Variants in DCTN1 observed in about 807,000 individuals in gnomAD.
DCTN1 encodes the protein 150 kDa dynein-associated polypeptide.
A neutral mutation model predicts 161.2 loss-of-function variants in DCTN1; 61 were observed. The ratio of observed to expected loss-of-function variants is 0.38; its 90% CI spans 0.31 to 0.47. DCTN1 has a LOEUF of 0.47. Ranked by LOEUF, DCTN1 falls within the 20% of genes least tolerant of loss-of-function variation. The probability of loss-of-function intolerance (pLI) is 0.99; values close to 1 mark genes in which losing one functional copy is unlikely to be tolerated. For synonymous variants in DCTN1, 653 were observed against 632.4 expected, an observed-to-expected ratio of 1.03 and a Z score of -0.49; for missense variants, 1,404 against 1,623.7, an observed-to-expected ratio of 0.86 and a Z score of 2.33.
chr2:74,386,414 G>A (rs1157171133), intron 1 of DCTN1, among the ~76,000 whole-genome samples: 1 of 152,192 alleles, frequency 6.6e-6, no homozygotes, highest in East Asian at 1.9e-4. Context: ...ACATGAGAAT[G>A]CCTGAAAAGC....
chr2:74,366,910 A>G lies in DCTN1; in HGVS notation c.2339T>C (p.Ile780Thr), dbSNP rs374163967. ...TTCCAGATCCCGGAGCAGGAGGGCA[A>G]TATCTGTAGCCTCCTGCCCACCCTA... is the stretch of plus-strand genomic sequence containing the variant. ...FLQGGQEATD[I>T]ALLLRDLETS... Residue 780 changes from isoleucine (I) to threonine (T), a missense_variant, in exon 21 of 32, where the codon ATT becomes ACT. By Grantham distance (89) the Ile-to-Thr change is moderately conservative. This residue lies in a region of DCTN1 where 475 missense variants were observed against 489.8 expected (regional missense o/e 0.97). Coordinates refer to ENST00000628224, the MANE Select transcript of DCTN1 (RefSeq NM_004082.5). 128 of 1,614,078 alleles carry G rather than the reference A, an allele frequency of 7.9e-5. No homozygotes were observed. The highest frequency in any genetic ancestry group is 2.4e-4 in the East Asian group (11 of 44,898).
chr2:74,391,608 G>C (rs183286697), intron 1 of DCTN1: 61 of 354,818 alleles, frequency 1.7e-4, no homozygotes, highest in African/African-American at 1.3e-3. Flanking sequence ...CTAGGCTGAA[G>C]AGCTGAGGTG....
chr2:74,363,272 G>A lies in DCTN1; in HGVS notation c.3345+22C>T, dbSNP rs538761883. ...CAAATATGCTCCATCTCCCATCCCA[G>A]TCCTCCCCGTGGCTCCCTCACCTTG... On this transcript the variant is annotated intron_variant, in intron 28 of 31. Coordinates refer to ENST00000628224, the MANE Select transcript of DCTN1 (RefSeq NM_004082.5). The A allele has an allele frequency of 2.1e-5, 34 of 1,614,080 alleles. 2 individuals are homozygous for A. In the South Asian group the frequency reaches 3.5e-4, roughly 17 times the overall value.
At position 74,367,994 on chromosome 2, in the gene DCTN1, C is replaced by T; in HGVS notation, c.1992G>A (p.Gln664=). The change falls in exon 17 of 32, where the codon CAG becomes CAA. Residue 664 remains glutamine (Q), a synonymous_variant. Transcript: ENST00000628224. ...ACTGCTCATAGCGGTGTAGCGTGGC[C>T]TGCAGCAGGCTCAGCGAGTACACCA... The part of the protein sequence containing the change: ...AGLVYSLSLL[Q]ATLHRYEHAL... 2 of 1,614,220 alleles carry T rather than the reference C, an allele frequency of 1.2e-6. No homozygotes were observed. The highest frequency in any genetic ancestry group is 1.7e-6 in the Non-Finnish European group (2 of 1,180,042).
chr2:74,370,537 A>G lies in DCTN1; in HGVS notation c.1056T>C (p.Asp352=). 2 of 1,614,150 alleles carry G rather than the reference A, an allele frequency of 1.2e-6. No individual in the cohort carries two copies. Among genetic ancestry groups the G allele is most frequent in the Non-Finnish European group, 1.7e-6 (2 of 1,180,030 alleles). The change falls in exon 11 of 32, where the codon GAT becomes GAC. Residue 352 remains aspartate (D), a synonymous_variant. Coordinates refer to ENST00000628224, the MANE Select transcript of DCTN1 (RefSeq NM_004082.5). The surrounding 1 kb of genome is among the most constrained non-coding windows in gnomAD (Gnocchi z 4.4). The stretch of plus-strand genomic sequence containing the variant: ...TGAGCTGATAACTGGATGCAGCGCC[A>G]TCTGAGCCTGGAGAAGATCATTAAC... ...LKAEIEEKGS[D]GAASSYQLKQ...
In DCTN1 at chr2:74,365,535, T is replaced by C. The variant is rs781233291; in HGVS notation, c.3009A>G (p.Ala1003=). 7.4e-6 allele frequency: 12 copies of C among 1,614,088 alleles called. No homozygotes were observed. The East Asian group carries it at 2.5e-4, about 33-fold the overall frequency. ...CTGACTTCTCCTTCTTTCGCAGCAG[T>C]GCCTGGGTCTCCTCCAGCCGAGTCT... is the stretch of plus-strand genomic sequence containing the variant. ...KVQTRLEETQ[A]LLRKKEKEFE... Residue 1003 remains alanine (A), a synonymous_variant, in exon 25 of 32, where the codon GCA becomes GCG. Transcript: ENST00000628224.
chr2:74,365,619 G>C lies in DCTN1; in HGVS notation c.2925C>G (p.Leu975=). The C allele has an allele frequency of 6.2e-7, 1 of 1,614,112 alleles. No homozygotes were observed. Among genetic ancestry groups the C allele is most frequent in the East Asian group, 2.2e-5 (1 of 44,892 alleles). ...CAGCACTGTCCAACTTCTTCTCCAG[G>C]AGGCTCAGCCGCACATTGGCCTCAC... is the stretch of plus-strand genomic sequence containing the variant. ...ELSEANVRLS[L]LEKKLDSAAK... Residue 975 remains leucine (L), a synonymous_variant, in exon 25 of 32, where the codon CTC becomes CTG. Coordinates refer to ENST00000628224, the MANE Select transcript of DCTN1 (RefSeq NM_004082.5).
exon 1 of DCTN1, chr2:74,391,858 G>A: frequency 4.4e-6 from 2 of 453,256 alleles, no homozygotes; most frequent in Non-Finnish European, 4.4e-6. Context: ...AAGACCCTGC[G>A]GGGCCGGCCC....
rs1674145718 is a variant in DCTN1 at position 74,363,194 on chromosome 2, A to G, written c.3346-17T>C. ...CTGGGCTCCCTGTGGATGAAAAAAG[A>G]AGGATAGTGGTAAGAGGTGCTAGGA... is the stretch of plus-strand genomic sequence containing the variant. On this transcript the variant is annotated splice_polypyrimidine_tract_variant and intron_variant, in intron 28 of 31. Transcript: ENST00000628224. 4 of 1,613,962 alleles carry G rather than the reference A, an allele frequency of 2.5e-6. No individual in the cohort carries two copies. Among genetic ancestry groups the G allele is most frequent in the African/African-American group, 2.7e-5 (2 of 74,906 alleles).
At chr2:74,368,570 T>G (rs1405635679) in intron 16 of DCTN1, 158 bp downstream of exon 16, 1 of 965,900 alleles carries the variant, frequency 1.0e-6, no homozygotes, top group Non-Finnish European at 1.6e-6. Flanking sequence ...AAACACACCA[T>G]TTGTAATATA....
At chr2:74,373,084 C>T (rs1264994847) in intron 6 of DCTN1, 136 bp from the exon 7 acceptor site, 7 of 763,428 alleles carry the variant, frequency 9.2e-6, no homozygotes, top group South Asian at 5.8e-5. Flanking sequence ...ACCCTCCCCC[C>T]CATCCCATCC....
At chr2:74,390,767 A>G (rs1675957791) in intron 1 of DCTN1, 1 of 283,266 alleles carries the variant, frequency 3.5e-6, no homozygotes, top group African/African-American at 2.2e-5. Flanking sequence ...TCTGTACTGT[A>G]ACGAGATCGC....
intron 24 of DCTN1, 26 bp from the exon 25 acceptor site, chr2:74,365,683 C>T (rs915445173): frequency 6.2e-7 from 1 of 1,613,928 alleles, no homozygotes; most frequent in African/African-American, 1.3e-5. Context: ...ACTTCTAGAT[C>T]CCTGACATCC....
intron 30 of DCTN1, 40 bp downstream of exon 30, chr2:74,362,610 T>G: frequency 6.2e-7 from 1 of 1,603,030 alleles, no homozygotes. Context: ...TCCACCAGTT[T>G]ATGCTGTGAA....
chr2:74,380,795 A>C (rs1018268658), upstream of DCTN1, among the ~76,000 whole-genome samples: 11 of 152,202 alleles, frequency 7.2e-5, no homozygotes, highest in African/African-American at 2.7e-4. Context: ...ATAGCAAAGC[A>C]AGCCAAGTAC....
At position 74,369,839 on chromosome 2, in the gene DCTN1, C is replaced by T; in HGVS notation, c.1392+126G>A. ...CAGAAAAAAAAAAAAAAAAAAAAGG[C>T]AGGGTCAGGGTAGCAAGCCCAGGCT... is the stretch of plus-strand genomic sequence containing the variant. On this transcript the variant is annotated intron_variant, in intron 13 of 31. Transcript: ENST00000628224. The surrounding 1 kb of genome is among the most constrained non-coding windows in gnomAD (Gnocchi z 4.9). The T allele has an allele frequency of 1.3e-6, 1 of 793,920 alleles. No individual in the cohort carries two copies. The highest frequency in any genetic ancestry group is 1.6e-5 in the South Asian group (1 of 61,388). The allele number at this position is 793,920 out of a possible 1,614,324, so 49.2% of individuals were successfully genotyped here.
At chr2:74,365,385 G>C in intron 25 of DCTN1, 130 bp downstream of exon 25, 2 of 1,549,080 alleles carry the variant, frequency 1.3e-6, no homozygotes. Flanking sequence ...GATGCAATGG[G>C]GTTGGCAGTG....
chr2:74,389,596 C>T (rs1157599330), intron 1 of DCTN1, among the ~76,000 whole-genome samples: 1 of 152,166 alleles, frequency 6.6e-6, no homozygotes, highest in East Asian at 1.9e-4. Context: ...TCAGTCAGGC[C>T]CCACTTATCA....
intron 5 of DCTN1, 91 bp downstream of exon 5, chr2:74,376,651 A>C: frequency 1.6e-6 from 2 of 1,256,294 alleles, no homozygotes; most frequent in East Asian, 5.0e-5. Flanking sequence ...GGTCACACAC[A>C]CATGCATGCA....
Sources: gnomAD v4.1 joint callset for allele counts (sites outside exome capture counted in the v4.1 genomes callset) on GRCh38, gnomAD v4.1.1 for gene constraint, gnomAD v4.1.1 regional missense constraint, Gnocchi (gnomAD v3.1) non-coding constraint, MANE v1.5 for transcripts, NCBI Gene and HGNC (gene_info 2026-07-23, HGNC 2026-07-21) for gene names.